Variants in LEPR observed in about 807,000 individuals in gnomAD.
LEPR encodes the protein OB receptor.
In LEPR, 56 loss-of-function variants were observed where a neutral mutation model predicts 114.7. The ratio of observed to expected loss-of-function variants is 0.49; its 90% CI spans 0.39 to 0.61. LEPR has a LOEUF of 0.61. LEPR is among the 20% of genes least tolerant of loss of function. LEPR has a pLI of 0.00. For missense variants in LEPR, 1,202 were observed against 1,352.9 expected, an observed-to-expected ratio of 0.89 and a Z score of 1.75; for synonymous variants, 443 against 461.4, an observed-to-expected ratio of 0.96 and a Z score of 0.51.
chr1:65,461,369 A>G (rs1248587216), intron 2 of LEPR, among the ~76,000 whole-genome samples: 1 of 152,168 alleles, frequency 6.6e-6, no homozygotes, highest in Non-Finnish European at 1.5e-5. Flanking sequence ...AAATACAAAC[A>G]TAGGCCTAAG....
chr1:65,502,433 A>AT (rs61383521), intron 2 of LEPR, among the ~76,000 whole-genome samples: 32,847 of 149,952 alleles, frequency 0.22, 4,041 homozygotes, highest in Middle Eastern at 0.33. Context: ...CCAGACTGGC[A>AT]TTTTTTTTTT....
chr1:65,565,649 G>C, intron 3 of LEPR, 44 bp downstream of exon 3: 4 of 1,610,492 alleles, frequency 2.5e-6, no homozygotes, highest in Non-Finnish European at 3.4e-6. Context: ...CTTAAACATG[G>C]TAGAGATTTT....
Position 65,539,855 on chromosome 1 carries a change from A to T in LEPR, c.-20-25691A>T, listed in dbSNP as rs542948895. 5.9e-5 allele frequency among the ~76,000 whole-genome samples: 9 copies of T among 152,294 alleles called. No individual in the cohort carries two copies. The South Asian group carries it at 1.9e-3, about 32-fold the overall frequency. On this transcript the variant is annotated intron_variant, in intron 2 of 19. Transcript: ENST00000349533. Reference sequence around the variant, plus strand: ...CATTGAGGTTTCAGTCATAACATGCAGTATCCTGGTATGGTGCAGGGCTGT... The same window carrying T: ...CATTGAGGTTTCAGTCATAACATGCTGTATCCTGGTATGGTGCAGGGCTGT...
In LEPR at chr1:65,633,559, T is replaced by G. The variant is rs1012956051; in HGVS notation, c.2674-2632T>G. 6.0e-6 allele frequency: 6 copies of G among 1,005,530 alleles called. No homozygotes were observed. The African/African-American group carries it at 6.9e-5, about 12-fold the overall frequency. 62.3% of individuals were successfully genotyped at this position (1,005,530 alleles called of 1,614,324 possible). A position where few individuals can be genotyped will look rare whatever the true frequency, so the allele number is the denominator to read the frequency against. ...TAGACAATGCTGTAATTAGGTGAAC[T>G]CTAAAACTGCAACATCTGACAAATA... On this transcript the variant is annotated intron_variant, in intron 19 of 19. Transcript: ENST00000349533. This position sits in a 1 kb window ranked among gnomAD's most constrained non-coding sequence, Gnocchi z 4.1.
At position 65,572,393 on chromosome 1, in the gene LEPR, A is replaced by C; in HGVS notation, c.438A>C (p.Ser146=). The C allele has an allele frequency of 6.3e-7, 1 of 1,595,062 alleles. No homozygotes were observed. Among genetic ancestry groups the C allele is most frequent in the Non-Finnish European group, 8.5e-7 (1 of 1,169,912 alleles). The change falls in exon 5 of 20, where the codon TCA becomes TCC. Residue 146 remains serine, a synonymous_variant. Coordinates refer to ENST00000349533, the MANE Select transcript of LEPR (RefSeq NM_002303.6). ...AATTATTCATCTGTTATGTGGAGTC[A>C]TTATTTAAGAATCTATTCAGGAATT... The part of the protein sequence containing the change: ...DLKLFICYVE[S]LFKNLFRNYN...
intron 18 of LEPR, among the ~76,000 whole-genome samples, chr1:65,621,663 T>C (rs1657895351): frequency 1.3e-5 from 2 of 152,092 alleles, no homozygotes; most frequent in South Asian, 4.1e-4. Context: ...AGTTAAAGAA[T>C]GAGGAAAGAA....
At position 65,495,269 on chromosome 1, in the gene LEPR, G is replaced by A. The variant is rs951681368; in HGVS notation, c.-21+69891G>A. Among the ~76,000 whole-genome samples the A allele has an allele frequency of 1.5e-4, 23 of 152,062 alleles. 1 individual carries two copies. The highest frequency in any genetic ancestry group is 4.4e-5 in the Non-Finnish European group (3 of 67,958). Reference sequence around the variant, plus strand: ...AAATAGACATTTCTGAAAAGAAGATGTACAGATGGCCAACAGATGGAAGAA... The same window carrying A: ...AAATAGACATTTCTGAAAAGAAGATATACAGATGGCCAACAGATGGAAGAA... On this transcript the variant is annotated intron_variant, in intron 2 of 19. Coordinates refer to ENST00000349533, the MANE Select transcript of LEPR (RefSeq NM_002303.6).
At chr1:65,516,589 C>A (rs1188498050) in intron 2 of LEPR, among the ~76,000 whole-genome samples, 1 of 152,156 alleles carries the variant, frequency 6.6e-6, no homozygotes, top group Admixed American at 6.5e-5. Flanking sequence ...TCAAGTGACC[C>A]CCAAAATTAA....
At chr1:65,532,189 G>T (rs1192690022) in intron 2 of LEPR, among the ~76,000 whole-genome samples, 1 of 152,150 alleles carries the variant, frequency 6.6e-6, no homozygotes, top group Non-Finnish European at 1.5e-5. Context: ...GCTTAATGCA[G>T]TTCTTCACTG....
At chr1:65,615,442 A>G (rs967743271) in intron 14 of LEPR, among the ~76,000 whole-genome samples, 2 of 152,138 alleles carry the variant, frequency 1.3e-5, no homozygotes, top group African/African-American at 4.8e-5. Context: ...TGCCATAGAC[A>G]CTGTTTTGAT....
At chr1:65,606,824 A>C (rs777750131) in intron 11 of LEPR, among the ~76,000 whole-genome samples, 2 of 152,156 alleles carry the variant, frequency 1.3e-5, no homozygotes, top group South Asian at 4.1e-4. Flanking sequence ...TTTTTGTTCT[A>C]TGAAGAATTG....
intron 18 of LEPR, among the ~76,000 whole-genome samples, chr1:65,622,112 G>A (rs2101011660): frequency 6.6e-6 from 1 of 152,218 alleles, no homozygotes; most frequent in African/African-American, 2.4e-5. Flanking sequence ...GCTCTGTCAA[G>A]GACAACATAA....
At chr1:65,506,278 G>A (rs1235486238) in intron 2 of LEPR, among the ~76,000 whole-genome samples, 1 of 152,226 alleles carries the variant, frequency 6.6e-6, no homozygotes. Flanking sequence ...TCCTGGTAAA[G>A]AGGGAAGTAG....
intron 2 of LEPR, among the ~76,000 whole-genome samples, chr1:65,481,083 C>T (rs1204624016): frequency 6.6e-6 from 1 of 152,176 alleles, no homozygotes; most frequent in Non-Finnish European, 1.5e-5. Context: ...CTCTCCTTGG[C>T]TTGCAGATGA....
chr1:65,549,781 G>A (rs1652134228), intron 2 of LEPR, among the ~76,000 whole-genome samples: 1 of 152,156 alleles, frequency 6.6e-6, no homozygotes, highest in Non-Finnish European at 1.5e-5. Context: ...GCTCGGAGTA[G>A]TTTGATCGTC....
chr1:65,629,945 C>T (rs1181868692), intron 19 of LEPR, among the ~76,000 whole-genome samples: 1 of 152,108 alleles, frequency 6.6e-6, no homozygotes, highest in African/African-American at 2.4e-5. Context: ...TTTCCTTCAT[C>T]TTTCTTAACT....
intron 2 of LEPR, among the ~76,000 whole-genome samples, chr1:65,550,736 C>T (rs184519043): frequency 5.3e-5 from 8 of 152,260 alleles, no homozygotes; most frequent in African/African-American, 9.6e-5. Flanking sequence ...TTTCCTTGAC[C>T]GGGAAAGGGA....
intron 2 of LEPR, chr1:65,435,098 T>TA (rs1250171674): frequency 1.0e-6 from 1 of 985,430 alleles, no homozygotes; most frequent in Non-Finnish European, 1.2e-6. Context: ...TATAGAAGGA[T>TA]AGCAATATTT....
intron 2 of LEPR, among the ~76,000 whole-genome samples, chr1:65,480,228 GA>G (rs370023969): frequency 8.8e-5 from 13 of 148,348 alleles, no homozygotes; most frequent in East Asian, 2.0e-4. Context: ...TCCTATGGTA[GA>G]AAAAAAAAAG....
Sources: gnomAD v4.1 joint callset for allele counts (sites outside exome capture counted in the v4.1 genomes callset) on GRCh38, gnomAD v4.1.1 for gene constraint, Gnocchi (gnomAD v3.1) non-coding constraint, MANE v1.5 for transcripts, NCBI Gene and HGNC (gene_info 2026-07-23, HGNC 2026-07-21) for gene names.